CFAP251: variants seen among roughly 807,000 people sequenced by gnomAD.
CFAP251 encodes the protein cilia- and flagella-associated protein 251.
In CFAP251, 93 loss-of-function variants were observed where a neutral mutation model predicts 126.7. That is an observed-to-expected ratio of 0.73 (90% CI 0.62 to 0.87). CFAP251 has a LOEUF of 0.87. Among genes scored for constraint, CFAP251 ranks in the 40% least tolerant of loss-of-function variants. CFAP251 has a pLI of 0.00. For synonymous variants in CFAP251, 503 were observed against 506.9 expected (o/e 0.99, Z 0.10); for missense variants, 1,287 against 1,389.2 (o/e 0.93, Z 1.17).
chr12:121,967,263 G>A (rs554285752), intron 16 of CFAP251, among the ~76,000 whole-genome samples, 194 bp downstream of exon 16: 2 of 152,358 alleles, frequency 1.3e-5, no homozygotes, highest in Non-Finnish European at 2.9e-5. Flanking sequence ...TCTGAGCAGA[G>A]TTACTGCATT....
intron 20 of CFAP251, among the ~76,000 whole-genome samples, chr12:122,001,064 T>C (rs560717615): frequency 6.7e-6 from 1 of 148,924 alleles, no homozygotes; most frequent in East Asian, 1.9e-4. Context: ...GCTTTTTTTT[T>C]TTTTTTTTTT....
intron 19 of CFAP251, among the ~76,000 whole-genome samples, chr12:121,987,152 T>G (rs1476430081): frequency 6.6e-6 from 1 of 152,108 alleles, no homozygotes; most frequent in African/African-American, 2.4e-5. Flanking sequence ...ATTTGGAAAT[T>G]TGCACTTTGA....
At chr12:121,958,033 T>C (rs1881789091) in intron 11 of CFAP251, among the ~76,000 whole-genome samples, 1 of 152,242 alleles carries the variant, frequency 6.6e-6, no homozygotes, top group Non-Finnish European at 1.5e-5. Flanking sequence ...ATTAGCTAAT[T>C]GTACAACTGA....
chr12:121,981,107 C>T (rs1304541642), intron 19 of CFAP251, among the ~76,000 whole-genome samples: 1 of 152,154 alleles, frequency 6.6e-6, no homozygotes, highest in Non-Finnish European at 1.5e-5. Flanking sequence ...GGGATCGCCC[C>T]TCATTTTCTT....
intron 19 of CFAP251, among the ~76,000 whole-genome samples, chr12:121,994,021 T>TG (rs754704524): frequency 7.9e-4 from 22 of 27,838 alleles, no homozygotes; most frequent in Admixed American, 8.7e-4. Context: ...GGGAGGGAGG[T>TG]GGGGGGGGGG....
At chr12:121,936,422 G>A (rs1880897685) in intron 5 of CFAP251, among the ~76,000 whole-genome samples, 1 of 152,220 alleles carries the variant, frequency 6.6e-6, no homozygotes, top group African/African-American at 2.4e-5. Flanking sequence ...ACTCCTGCCA[G>A]GGCGACAGAG....
intron 3 of CFAP251, among the ~76,000 whole-genome samples, chr12:121,927,654 A>G (rs1005662998): frequency 1.3e-5 from 2 of 151,998 alleles, no homozygotes; most frequent in Admixed American, 1.3e-4. Context: ...GGTTGCTTCT[A>G]ATTTCTTGCT....
intron 15 of CFAP251, among the ~76,000 whole-genome samples, chr12:121,966,261 C>T (rs1252481721): frequency 1.1e-4 from 7 of 64,994 alleles, no homozygotes; most frequent in African/African-American, 4.1e-4. Flanking sequence ...CCCCCTCCCC[C>T]TCCCCTTCTT....
intron 19 of CFAP251, among the ~76,000 whole-genome samples, chr12:121,994,396 G>A (rs111809979): frequency 8.4e-5 from 7 of 83,330 alleles, no homozygotes; most frequent in Non-Finnish European, 1.3e-4. Flanking sequence ...GCCTCTGCCC[G>A]GCCGCCCCTA....
chr12:121,936,896 C>T (rs945730690), intron 5 of CFAP251, among the ~76,000 whole-genome samples: 2 of 151,848 alleles, frequency 1.3e-5, no homozygotes, highest in African/African-American at 4.8e-5. Flanking sequence ...GGAAGGGGCC[C>T]AGGGGAATTC....
At chr12:121,998,431 TAATATATATA>T (rs1565926840) in intron 19 of CFAP251, 1 of 73,028 alleles carries the variant, frequency 1.4e-5, no homozygotes, top group African/African-American at 5.9e-5. Context: ...GTTTTTAGTG[TAATATATATA>T]TATATATATA....
At position 121,923,876 on chromosome 12, in the gene CFAP251, AAGG is replaced by A. The variant is rs1462791363; in HGVS notation, c.636_638del (p.Arg213del). 1.2e-6 allele frequency: 2 copies of A among 1,614,058 alleles called. No homozygotes were observed. The highest frequency in any genetic ancestry group is 1.3e-5 in the African/African-American group (1 of 74,934). On this transcript the variant is annotated inframe_deletion, in exon 3 of 22. Coordinates refer to ENST00000288912, the MANE Select transcript of CFAP251 (RefSeq NM_144668.6). The stretch of plus-strand genomic sequence containing the variant: ...CAGAAAACAGAGAGGAGGGACAAGA[AAGG>A]AGAGTATCCGACATCCAGTCCAAAG...
intron 17 of CFAP251, chr12:121,971,613 C>G: frequency 1.4e-6 from 1 of 702,912 alleles, no homozygotes; most frequent in South Asian, 1.5e-5. Flanking sequence ...AAGAAGCTAA[C>G]TCCAAGGGGT....
intron 9 of CFAP251, among the ~76,000 whole-genome samples, chr12:121,952,122 G>A (rs565431201): frequency 2.9e-4 from 44 of 151,728 alleles, no homozygotes; most frequent in African/African-American, 1.0e-3. Flanking sequence ...TGAAAGTTGT[G>A]GGGGTGCAGT....
At chr12:121,930,026 T>C (rs1880616010) in intron 3 of CFAP251, among the ~76,000 whole-genome samples, 1 of 152,110 alleles carries the variant, frequency 6.6e-6, no homozygotes, top group African/African-American at 2.4e-5. Context: ...TAGAAAGTCA[T>C]AGTTGGAATC....
chr12:121,970,859 A>C (rs777576760), intron 17 of CFAP251, among the ~76,000 whole-genome samples: 1 of 152,200 alleles, frequency 6.6e-6, no homozygotes, highest in Admixed American at 6.5e-5. Flanking sequence ...GGCTGCTGAC[A>C]GTTCCCAAAT....
intron 19 of CFAP251, among the ~76,000 whole-genome samples, chr12:121,980,980 G>A (rs1481044794): frequency 1.3e-5 from 2 of 152,222 alleles, no homozygotes; most frequent in African/African-American, 2.4e-5. Flanking sequence ...TAGGGGTGTC[G>A]TGAGGACTAG....
At chr12:121,951,852 G>A (rs1014047774) in intron 9 of CFAP251, among the ~76,000 whole-genome samples, 2 of 151,994 alleles carry the variant, frequency 1.3e-5, no homozygotes, top group East Asian at 3.9e-4. Context: ...CCGAGTAGCT[G>A]GGACTACAGG....
intron 7 of CFAP251, 181 bp from the exon 8 acceptor site, chr12:121,948,801 ACT>A (rs1881416537): frequency 2.2e-6 from 1 of 452,274 alleles, no homozygotes. Flanking sequence ...CACATTTGAC[ACT>A]GTTTATTTTA....
Sources: gnomAD v4.1 joint callset for allele counts (sites outside exome capture counted in the v4.1 genomes callset) on GRCh38, gnomAD v4.1.1 for gene constraint, MANE v1.5 for transcripts, NCBI Gene and HGNC (gene_info 2026-07-23, HGNC 2026-07-21) for gene names.